The following FHIT variants were observed in gnomAD, a reference collection of about 807,000 sequenced individuals.
The protein encoded by FHIT is fragile histidine triad diadenosine triphosphatase.
FHIT carries 19 observed loss-of-function variants against 17.9 expected under a neutral mutation model. The ratio of observed to expected loss-of-function variants is 1.06; its 90% CI spans 0.74 to 1.56. FHIT has a LOEUF of 1.56. FHIT is among the 40% of genes most tolerant of loss of function. The pLI, the probability that FHIT is intolerant of heterozygous loss-of-function variation, is 0.00. For missense variants in FHIT, 248 were observed against 189.2 expected, an observed-to-expected ratio of 1.31 and a Z score of -1.82; for synonymous variants, 81 against 69.7, an observed-to-expected ratio of 1.16 and a Z score of -0.81.
intron 5 of FHIT, among the ~76,000 whole-genome samples, chr3:60,153,157 A>C (rs1169986341): frequency 6.6e-6 from 1 of 152,150 alleles, no homozygotes; most frequent in Admixed American, 6.6e-5. Flanking sequence ...ATCTTCATAA[A>C]AATTCTGTAC....
chr3:60,393,606 C>T (rs1442626035), intron 5 of FHIT, among the ~76,000 whole-genome samples: 4 of 152,088 alleles, frequency 2.6e-5, no homozygotes, highest in Non-Finnish European at 5.9e-5. Flanking sequence ...GTGGACAACA[C>T]ACTCCATAGC....
At chr3:60,403,727 G>T (rs370371914) in intron 5 of FHIT, among the ~76,000 whole-genome samples, 3 of 152,132 alleles carry the variant, frequency 2.0e-5, no homozygotes, top group African/African-American at 7.2e-5. Context: ...ACCAGGATTA[G>T]ATCACATTTT....
intron 8 of FHIT, among the ~76,000 whole-genome samples, chr3:59,754,659 C>T (rs1701109714): frequency 6.6e-6 from 1 of 152,142 alleles, no homozygotes; most frequent in Non-Finnish European, 1.5e-5. Context: ...TAATTTAGAG[C>T]CTGTGAATGT....
At chr3:59,854,930 T>C (rs868270134) in intron 8 of FHIT, among the ~76,000 whole-genome samples, 2 of 152,188 alleles carry the variant, frequency 1.3e-5, no homozygotes, top group Non-Finnish European at 1.5e-5. Flanking sequence ...GTTGGAATCC[T>C]TCCACTGACA....
At chr3:60,839,977 T>C (rs1702665830) in intron 3 of FHIT, among the ~76,000 whole-genome samples, 1 of 152,126 alleles carries the variant, frequency 6.6e-6, no homozygotes, top group South Asian at 2.1e-4. Flanking sequence ...GCCACCTTCA[T>C]GCTGCCTCTC....
At chr3:59,922,685 A>C (rs1705466693) in intron 7 of FHIT, among the ~76,000 whole-genome samples, 2 of 152,176 alleles carry the variant, frequency 1.3e-5, no homozygotes, top group Non-Finnish European at 2.9e-5. Context: ...CATGGTTGTC[A>C]GTCTTGGTTG....
At chr3:60,163,308 G>C (rs1701019855) in intron 5 of FHIT, among the ~76,000 whole-genome samples, 4 of 152,108 alleles carry the variant, frequency 2.6e-5, no homozygotes. Flanking sequence ...CACCTCCAAA[G>C]GTAGGTAGGT....
In FHIT at chr3:60,608,760, G is replaced by T. The variant is rs539622660; in HGVS notation, c.-17-71781C>A. 3.0e-3 allele frequency among the ~76,000 whole-genome samples: 457 copies of T among 152,122 alleles called. 2 individuals carry two copies. The highest frequency in any genetic ancestry group is 4.7e-3 in the Non-Finnish European group (317 of 68,002). Reference sequence around the variant, plus strand: ...AAATAAATCCTAAATTATGAACATCGTTATTTGGTTTTGCAAGTCAGTCAA... The same window carrying T: ...AAATAAATCCTAAATTATGAACATCTTTATTTGGTTTTGCAAGTCAGTCAA... On this transcript the variant is annotated intron_variant, in intron 4 of 9. Transcript: ENST00000492590.
intron 3 of FHIT, among the ~76,000 whole-genome samples, chr3:60,939,750 T>C (rs931063711): frequency 6.6e-6 from 1 of 152,270 alleles, no homozygotes; most frequent in Non-Finnish European, 1.5e-5. Flanking sequence ...ATTCCTTTCT[T>C]CAACAATTGC....
chr3:61,011,254 C>T (rs1326454449), intron 3 of FHIT, among the ~76,000 whole-genome samples: 1 of 152,136 alleles, frequency 6.6e-6, no homozygotes, highest in African/African-American at 2.4e-5. Context: ...TGACAAGTTA[C>T]AAATTTCATT....
chr3:60,558,601 C>T (rs1444299053), intron 4 of FHIT, among the ~76,000 whole-genome samples: 1 of 152,038 alleles, frequency 6.6e-6, no homozygotes, highest in Non-Finnish European at 1.5e-5. Flanking sequence ...TGCACATTCC[C>T]AGGAGCTCCG....
chr3:60,568,385 C>T (rs1006723201), intron 4 of FHIT, among the ~76,000 whole-genome samples: 15 of 151,762 alleles, frequency 9.9e-5, no homozygotes, highest in African/African-American at 3.6e-4. Flanking sequence ...CGTGTTCTCA[C>T]TCATAGGTGG....
At chr3:60,196,067 TAATC>T (rs1702627098) in intron 5 of FHIT, among the ~76,000 whole-genome samples, 1 of 152,162 alleles carries the variant, frequency 6.6e-6, no homozygotes. Flanking sequence ...GATACAGTTT[TAATC>T]AACCAGTTAC....
chr3:60,205,940 C>G (rs1440583997), intron 5 of FHIT, among the ~76,000 whole-genome samples: 1 of 150,766 alleles, frequency 6.6e-6, no homozygotes, highest in Non-Finnish European at 1.5e-5. Context: ...AACCCCGTCT[C>G]TACTAAAAAT....
At chr3:60,076,984 T>A (rs1399531269) in intron 5 of FHIT, among the ~76,000 whole-genome samples, 1 of 151,792 alleles carries the variant, frequency 6.6e-6, no homozygotes, top group Non-Finnish European at 1.5e-5. Context: ...CAAAGGAGAG[T>A]TGGACTGTAT....
intron 5 of FHIT, among the ~76,000 whole-genome samples, chr3:60,087,023 A>C (rs1415798455): frequency 6.6e-6 from 1 of 150,880 alleles, no homozygotes; most frequent in East Asian, 1.9e-4. Flanking sequence ...TCTGAAATCT[A>C]TGAGTCATCA....
At chr3:60,897,665 A>G (rs2107207616) in intron 3 of FHIT, among the ~76,000 whole-genome samples, 1 of 152,310 alleles carries the variant, frequency 6.6e-6, no homozygotes, top group African/African-American at 2.4e-5. Flanking sequence ...CCGCTGGGCA[A>G]CTTCAAAACT....
chr3:60,010,913 A>C (rs1700112531), intron 7 of FHIT, among the ~76,000 whole-genome samples: 1 of 152,124 alleles, frequency 6.6e-6, no homozygotes, highest in Admixed American at 6.6e-5. Context: ...GAGAACAGAA[A>C]GGAAGGGAGG....
chr3:60,261,752 T>C (rs1474835559), intron 5 of FHIT, among the ~76,000 whole-genome samples: 1 of 151,458 alleles, frequency 6.6e-6, no homozygotes, highest in Non-Finnish European at 1.5e-5. Context: ...AGAAGGTCTC[T>C]TGGACCTTCT....
Sources: gnomAD v4.1 joint callset for allele counts (sites outside exome capture counted in the v4.1 genomes callset) on GRCh38, gnomAD v4.1.1 for gene constraint, MANE v1.5 for transcripts, NCBI Gene and HGNC (gene_info 2026-07-23, HGNC 2026-07-21) for gene names.